Variants in BRWD1 observed in about 807,000 individuals in gnomAD.
BRWD1 encodes bromodomain and WD repeat domain containing 1.
BRWD1 carries 82 observed loss-of-function variants against 251.2 expected under a neutral mutation model. The observed-to-expected ratio is 0.33, with a 90% CI of 0.27 to 0.39. BRWD1 has a LOEUF of 0.39. Ranked by LOEUF, BRWD1 falls within the 10% of genes least tolerant of loss-of-function variation. BRWD1 has a pLI of 1.00. For missense variants in BRWD1, 2,233 were observed against 2,711.6 expected (o/e 0.82, Z 3.92); for synonymous variants, 918 against 902.8 (o/e 1.02, Z -0.30).
At position 39,189,082 on chromosome 21, in the gene BRWD1, A is replaced by C. The variant is rs2031406997; in HGVS notation, c.*7177T>G. ...CTCCAACAAGTCAACCCTATATCCA[A>C]AATGAATCTTTAACACATTAAATCA... On this transcript the variant is annotated 3_prime_UTR_variant, in exon 41 of 41. Coordinates refer to ENST00000342449, the MANE Select transcript of BRWD1 (RefSeq NM_033656.4). The C allele has an allele frequency of 5.1e-6, 5 of 984,348 alleles. No homozygotes were observed. In the South Asian group the frequency reaches 1.4e-4, roughly 28 times the overall value. 61.0% of individuals were successfully genotyped at this position (984,348 alleles called of 1,614,324 possible). A position where few individuals can be genotyped will look rare whatever the true frequency, so the allele number is the denominator to read the frequency against.
In BRWD1 at chr21:39,193,392, A is replaced by C. The variant is rs764208161; in HGVS notation, c.*2867T>G. On this transcript the variant is annotated 3_prime_UTR_variant, in exon 41 of 41. Transcript: ENST00000342449. ...TCCTTTTATTCATAAGTTACTTCAC[A>C]TTGTAAGTATACCTTTTTAAATAAG... is the stretch of plus-strand genomic sequence containing the variant. 1.2e-5 allele frequency: 12 copies of C among 984,876 alleles called. No individual in the cohort carries two copies. Among genetic ancestry groups the C allele is most frequent in the Non-Finnish European group, 1.3e-5 (11 of 829,436 alleles). 61.0% of individuals were successfully genotyped at this position (984,876 alleles called of 1,614,324 possible). A position where few individuals can be genotyped will look rare whatever the true frequency, so the allele number is the denominator to read the frequency against.
At chr21:39,259,914 T>C (rs2034685736) in intron 17 of BRWD1, among the ~76,000 whole-genome samples, 1 of 152,114 alleles carries the variant, frequency 6.6e-6, no homozygotes, top group East Asian at 1.9e-4. Flanking sequence ...AGATATAACT[T>C]GCCACCATAA....
intron 8 of BRWD1, among the ~76,000 whole-genome samples, chr21:39,287,303 C>A (rs1463272897): frequency 1.3e-5 from 2 of 152,166 alleles, no homozygotes; most frequent in East Asian, 3.9e-4. Context: ...AGCTCTCCAC[C>A]TTTCTATCTT....
intron 4 of BRWD1, among the ~76,000 whole-genome samples, chr21:39,302,444 C>T (rs886329281): frequency 6.6e-5 from 10 of 152,242 alleles, no homozygotes; most frequent in African/African-American, 2.4e-4. Flanking sequence ...GTAACAACAT[C>T]TTGAAACTTT....
At position 39,258,989 on chromosome 21, in the gene BRWD1, G is replaced by A. The variant is rs532873757; in HGVS notation, c.1886-317C>T. Among the ~76,000 whole-genome samples, 29 of 152,190 alleles carry A rather than the reference G, an allele frequency of 1.9e-4. No individual in the cohort carries two copies. In the South Asian group the frequency reaches 4.6e-3, roughly 24 times the overall value. On this transcript the variant is annotated intron_variant, in intron 17 of 40. Transcript: ENST00000342449. ...CACACTAATGCCCCTCACCATACTC[G>A]ATATATTTCACTAAAATCTTATTCC...
intron 27 of BRWD1, among the ~76,000 whole-genome samples, chr21:39,226,314 A>G (rs2033380753): frequency 6.6e-6 from 1 of 152,192 alleles, no homozygotes. Flanking sequence ...AAAAATGAAA[A>G]CAAGCAACTT....
At chr21:39,295,221 C>T (rs1413988036) in intron 7 of BRWD1, among the ~76,000 whole-genome samples, 1 of 112,748 alleles carries the variant, frequency 8.9e-6, no homozygotes, top group Non-Finnish European at 1.6e-5. Flanking sequence ...GAATCTCGCT[C>T]TGTCGCCCAG....
At chr21:39,284,626 G>C (rs2035574492) in intron 8 of BRWD1, among the ~76,000 whole-genome samples, 1 of 152,116 alleles carries the variant, frequency 6.6e-6, no homozygotes, top group African/African-American at 2.4e-5. Context: ...ATTCTGACTG[G>C]GGTGAGGTAG....
intron 8 of BRWD1, among the ~76,000 whole-genome samples, chr21:39,293,282 C>CAGG (rs1005254584): frequency 2.1e-4 from 32 of 152,226 alleles, no homozygotes; most frequent in African/African-American, 7.5e-4. Context: ...GTTACTTGGT[C>CAGG]AGGAGTTCGA....
Position 39,313,600 on chromosome 21 carries a change from G to T in BRWD1, c.-109C>A. The T allele has an allele frequency of 1.2e-6, 1 of 854,044 alleles. No individual in the cohort carries two copies. The highest frequency in any genetic ancestry group is 1.5e-6 in the Non-Finnish European group (1 of 646,356). 52.9% of individuals were successfully genotyped at this position (854,044 alleles called of 1,614,324 possible). ...CTCTTCTCAGGCGCGCGCCGCCGCC[G>T]CCGCCGCCGCCGCCATACCGTGCGC... On this transcript the variant is annotated 5_prime_UTR_variant, in exon 1 of 41. Transcript: ENST00000342449.
rs775663461 is a variant in BRWD1 at position 39,199,503 on chromosome 21, T to C, written c.4913A>G (p.Asn1638Ser). 5 of 1,614,104 alleles carry C rather than the reference T, an allele frequency of 3.1e-6. No individual in the cohort carries two copies. The highest frequency in any genetic ancestry group is 2.7e-5 in the African/African-American group (2 of 74,940). ...VLRKCAAVAANKIKLMSDVEE... is the reference protein window; with the variant it reads ...VLRKCAAVAASKIKLMSDVEE... ...TACATCACTCATTAGCTTTATTTTA[T>C]TGGCAGCCACAGCAGCACACTTCCT... The change falls in exon 40 of 41, where the codon AAT becomes AGT. Residue 1638 changes from asparagine (N) to serine (S), a missense_variant. Around this residue, in one of 12 missense-constraint regions of BRWD1, gnomAD observed 928 missense variants for 970.0 expected, o/e 0.96. Coordinates refer to ENST00000342449, the MANE Select transcript of BRWD1 (RefSeq NM_033656.4).
chr21:39,292,513 C>T (rs577766372), intron 8 of BRWD1, among the ~76,000 whole-genome samples: 3 of 152,102 alleles, frequency 2.0e-5, no homozygotes, highest in Admixed American at 1.3e-4. Context: ...CTCATACCCT[C>T]GCCCCAGACG....
At chr21:39,314,443 G>T (rs1466291927), upstream of BRWD1, 2 of 418,814 alleles carry the variant, frequency 4.8e-6, no homozygotes, top group Non-Finnish European at 9.7e-6. Flanking sequence ...ACTGTGGGGA[G>T]AGGGTGGTGC....
chr21:39,208,662 C>CA (rs2032522950), intron 36 of BRWD1, among the ~76,000 whole-genome samples: 1 of 152,172 alleles, frequency 6.6e-6, no homozygotes, highest in African/African-American at 2.4e-5. Flanking sequence ...AAGTGGCTCT[C>CA]ATGCCTCATT....
upstream of BRWD1, chr21:39,314,657 G>A: frequency 3.2e-6 from 1 of 313,944 alleles, no homozygotes; most frequent in South Asian, 2.5e-5. Context: ...CTAAAGTACA[G>A]CAGTAACACT....
At chr21:39,287,275 T>C (rs2035670907) in intron 8 of BRWD1, among the ~76,000 whole-genome samples, 2 of 152,214 alleles carry the variant, frequency 1.3e-5, no homozygotes, top group Non-Finnish European at 2.9e-5. Flanking sequence ...TCCCTTTTCC[T>C]GAGGTTCCTT....
intron 4 of BRWD1, among the ~76,000 whole-genome samples, chr21:39,309,918 CCTT>C (rs1341404886): frequency 6.6e-6 from 1 of 151,762 alleles, no homozygotes; most frequent in Non-Finnish European, 1.5e-5. Flanking sequence ...AATAAGCAGT[CCTT>C]ATTTTTTAGA....
intron 17 of BRWD1, 23 bp downstream of exon 17, chr21:39,264,428 TAAAAAAAAA>T: frequency 7.8e-6 from 9 of 1,160,500 alleles, no homozygotes. Context: ...AGTACAACTT[TAAAAAAAAA>T]AAAAAAAAAA....
chr21:39,282,020 G>A (rs964473486), intron 8 of BRWD1, among the ~76,000 whole-genome samples: 31 of 150,972 alleles, frequency 2.1e-4, no homozygotes, highest in African/African-American at 7.3e-4. Flanking sequence ...CAACATATAC[G>A]TCTATGTATA....
Sources: allele counts gnomAD v4.1 joint callset (sites outside exome capture counted in the v4.1 genomes callset), GRCh38; gene constraint gnomAD v4.1.1; regional missense constraint gnomAD v4.1.1; transcripts MANE v1.5; gene names NCBI Gene and HGNC (gene_info 2026-07-23, HGNC 2026-07-21).